Variants in ADGRD1 observed in about 807,000 individuals in gnomAD.
ADGRD1 encodes G-protein coupled receptor 133.
ADGRD1 carries 77 observed loss-of-function variants against 113.4 expected under a neutral mutation model. That is an observed-to-expected ratio of 0.68 (90% CI 0.57 to 0.82). The LOEUF (loss-of-function observed/expected upper bound fraction) is 0.82. ADGRD1 is among the 40% of genes least tolerant of loss of function. The pLI is 0.00. For synonymous variants in ADGRD1, 474 were observed against 475.0 expected (o/e 1.00, Z 0.03); for missense variants, 1,036 against 1,139.1 (o/e 0.91, Z 1.30).
chr12:130,998,578 C>T, intron 8 of ADGRD1, among the ~76,000 whole-genome samples: 1 of 152,124 alleles, frequency 6.6e-6, no homozygotes, highest in Non-Finnish European at 1.5e-5. Flanking sequence ...GATTCTCCTG[C>T]CTCAGCCTCC....
At position 131,014,266 on chromosome 12, in the gene ADGRD1, G is replaced by A; in HGVS notation, c.1399G>A (p.Val467Met). 6.2e-7 allele frequency: 1 copy of A among 1,614,042 alleles called. No individual in the cohort carries two copies. Among genetic ancestry groups the A allele is most frequent in the Non-Finnish European group, 8.5e-7 (1 of 1,179,916 alleles). ...CACCAGCCACCTGATTTCCCTGGAG[G>A]TGTCCCCACCACCCACCCTGTCTCA... Reference protein sequence around the residue: ...FATSHLISLEVSPPPTLSQNL... With the variant: ...FATSHLISLEMSPPPTLSQNL... Residue 467 changes from valine to methionine, a missense_variant, in exon 13 of 25, where the codon GTG (valine) becomes ATG (methionine). Physicochemically the swap from Val to Met is conservative, Grantham distance 21. Transcript: ENST00000261654.
intron 15 of ADGRD1, among the ~76,000 whole-genome samples, chr12:131,092,937 T>TC (rs1404879506): frequency 2.6e-5 from 4 of 151,606 alleles, no homozygotes; most frequent in Non-Finnish European, 5.9e-5. Flanking sequence ...ACGCTGGGCT[T>TC]CCCCCTCTGG....
intron 13 of ADGRD1, among the ~76,000 whole-genome samples, chr12:131,047,394 G>A (rs1882945066): frequency 1.3e-5 from 2 of 152,202 alleles, no homozygotes; most frequent in South Asian, 4.1e-4. Flanking sequence ...AGCTCTGAAG[G>A]GCAGATGGGT....
chr12:130,982,447 C>T (rs1272673133), intron 5 of ADGRD1, among the ~76,000 whole-genome samples: 1 of 152,242 alleles, frequency 6.6e-6, no homozygotes, highest in Non-Finnish European at 1.5e-5. Flanking sequence ...TACATTTCTC[C>T]TTCTTTTCCT....
At position 131,098,003 on chromosome 12, in the gene ADGRD1, G is replaced by T. The variant is rs374791441; in HGVS notation, c.1672-6828G>T. On this transcript the variant is annotated intron_variant, in intron 15 of 24. Coordinates refer to ENST00000261654, the MANE Select transcript of ADGRD1 (RefSeq NM_198827.5). ...CTGCTGGCATGGGCGTCCCCCTGTG[G>T]CTCCAGCGCCTGCATGCAGACCCTC... Among the ~76,000 whole-genome samples the T allele has an allele frequency of 8.5e-5, 13 of 152,326 alleles. No homozygotes were observed. The East Asian group carries it at 1.7e-3, about 20-fold the overall frequency.
intron 12 of ADGRD1, among the ~76,000 whole-genome samples, chr12:131,008,427 C>T (rs950663030): frequency 6.6e-6 from 1 of 152,154 alleles, no homozygotes; most frequent in South Asian, 2.1e-4. Flanking sequence ...GCTTTGGTGC[C>T]GTAGTGTCCT....
chr12:131,011,137 C>T (rs1877821446), intron 12 of ADGRD1, among the ~76,000 whole-genome samples: 1 of 136,280 alleles, frequency 7.3e-6, no homozygotes, highest in Non-Finnish European at 1.6e-5. Flanking sequence ...CTTCCCCACC[C>T]TGCCCCACCT....
intron 12 of ADGRD1, among the ~76,000 whole-genome samples, 176 bp from the exon 13 acceptor site, chr12:131,014,023 C>T (rs1416435421): frequency 1.3e-5 from 2 of 152,346 alleles, no homozygotes; most frequent in East Asian, 3.9e-4. Flanking sequence ...CTGCAGGTAC[C>T]AGCTTCACAT....
At position 131,096,960 on chromosome 12, in the gene ADGRD1, C is replaced by T. The variant is rs1322159531; in HGVS notation, c.1672-7871C>T. ...GGAGGAGGCCCAGCAGCTCTTCTCT[C>T]GCCCCTACACGTGGCTTTTTGGGCA... On this transcript the variant is annotated intron_variant, in intron 15 of 24. Transcript: ENST00000261654. The surrounding 1 kb of genome is among the most constrained non-coding windows in gnomAD (Gnocchi z 5.2). Among the ~76,000 whole-genome samples, 2 of 152,130 alleles carry T rather than the reference C, an allele frequency of 1.3e-5. No individual in the cohort carries two copies. The highest frequency in any genetic ancestry group is 1.9e-4 in the East Asian group (1 of 5,170).
chr12:131,057,853 C>T lies in ADGRD1; in HGVS notation c.1474-18948C>T, dbSNP rs1884007749. 6.6e-6 allele frequency among the ~76,000 whole-genome samples: 1 copy of T among 152,220 alleles called. No individual in the cohort carries two copies. The highest frequency in any genetic ancestry group is 2.1e-4 in the South Asian group (1 of 4,832). On this transcript the variant is annotated intron_variant, in intron 13 of 24. Transcript: ENST00000261654. The surrounding 1 kb of genome is among the most constrained non-coding windows in gnomAD (Gnocchi z 4.2). The stretch of plus-strand genomic sequence containing the variant: ...AAATGGGTCTGCATGTCTCTGCCTT[C>T]ACTGGTACCTCCCTAGTCAAGGACC...
intron 18 of ADGRD1, among the ~76,000 whole-genome samples, chr12:131,109,688 G>A (rs1028595645): frequency 6.6e-6 from 1 of 152,188 alleles, no homozygotes; most frequent in Non-Finnish European, 1.5e-5. Flanking sequence ...ATATGCCCTT[G>A]AGAAGAATGT....
chr12:130,980,122 T>A (rs1017119539), intron 4 of ADGRD1, among the ~76,000 whole-genome samples: 1 of 151,612 alleles, frequency 6.6e-6, no homozygotes, highest in Non-Finnish European at 1.5e-5. Context: ...TTTTTTTTTT[T>A]GAGACGGAGT....
At chr12:131,008,016 T>G (rs1286991109) in intron 12 of ADGRD1, among the ~76,000 whole-genome samples, 1 of 152,220 alleles carries the variant, frequency 6.6e-6, no homozygotes, top group African/African-American at 2.4e-5. Flanking sequence ...ACAGGTGCCC[T>G]CCTTATCTGT....
chr12:131,043,263 G>A (rs1882326689), intron 13 of ADGRD1, among the ~76,000 whole-genome samples: 1 of 152,188 alleles, frequency 6.6e-6, no homozygotes, highest in Non-Finnish European at 1.5e-5. Flanking sequence ...GTGAAGAGCT[G>A]GGGAGAGGCC....
At chr12:131,024,581 C>A (rs1415648278) in intron 13 of ADGRD1, 1 of 152,140 alleles carries the variant, frequency 6.6e-6, no homozygotes, top group Non-Finnish European at 1.5e-5. Flanking sequence ...GTGTTACAGC[C>A]GCTGGCAGCA....
At chr12:131,094,085 C>T (rs187925456) in intron 15 of ADGRD1, among the ~76,000 whole-genome samples, 52 of 150,560 alleles carry the variant, frequency 3.5e-4, no homozygotes, top group African/African-American at 1.3e-3. Context: ...GCCCTGAGCA[C>T]CCAGTCTCAG....
At position 131,003,841 on chromosome 12, in the gene ADGRD1, G is replaced by T. The variant is rs920096396; in HGVS notation, c.1145-345G>T. Among the ~76,000 whole-genome samples the T allele has an allele frequency of 1.8e-4, 28 of 152,184 alleles. No individual in the cohort carries two copies. The highest frequency in any genetic ancestry group is 6.0e-4 in the African/African-American group (25 of 41,456). ...TTTGTTGGCCGTGTTGCCCTCGCCT[G>T]CTGCGCTTGGGGAGGAGCCGATGTC... On this transcript the variant is annotated intron_variant, in intron 10 of 24. Coordinates refer to ENST00000261654, the MANE Select transcript of ADGRD1 (RefSeq NM_198827.5). The surrounding 1 kb of genome is among the most constrained non-coding windows in gnomAD (Gnocchi z 4.8).
chr12:131,048,063 C>G (rs1361043227), intron 13 of ADGRD1, among the ~76,000 whole-genome samples: 1 of 152,198 alleles, frequency 6.6e-6, no homozygotes, highest in African/African-American at 2.4e-5. Context: ...TGCTCTTGAC[C>G]TCTCACCAGC....
chr12:131,087,052 C>T (rs867174429), intron 15 of ADGRD1, among the ~76,000 whole-genome samples: 1 of 152,262 alleles, frequency 6.6e-6, no homozygotes, highest in Middle Eastern at 3.4e-3. Flanking sequence ...ACTACAGGCA[C>T]ATGCCACAAC....
Sources: gnomAD v4.1 joint callset for allele counts (sites outside exome capture counted in the v4.1 genomes callset) on GRCh38, gnomAD v4.1.1 for gene constraint, Gnocchi (gnomAD v3.1) non-coding constraint, MANE v1.5 for transcripts, NCBI Gene and HGNC (gene_info 2026-07-23, HGNC 2026-07-21) for gene names.